The following NRXN3 variants were observed in gnomAD, a reference collection of about 807,000 sequenced individuals.
The protein encoded by NRXN3 is neurexin III.
A neutral mutation model predicts 137.6 loss-of-function variants in NRXN3; 32 were observed. The ratio of observed to expected loss-of-function variants is 0.23; its 90% CI spans 0.18 to 0.31. NRXN3 has a LOEUF of 0.31. Among genes scored for constraint, NRXN3 ranks in the 10% least tolerant of loss-of-function variants. The pLI, the probability that NRXN3 is intolerant of heterozygous loss-of-function variation, is 1.00. For missense variants in NRXN3, 1,574 were observed against 2,062.5 expected (o/e 0.76, Z 4.59); for synonymous variants, 798 against 784.5 (o/e 1.02, Z -0.29).
intron 15 of NRXN3, among the ~76,000 whole-genome samples, chr14:79,447,073 GA>G: frequency 6.6e-6 from 1 of 152,276 alleles, no homozygotes; most frequent in Non-Finnish European, 1.5e-5. Flanking sequence ...ACCATCTTGG[GA>G]TTAAGTTCCA....
At chr14:78,253,116 T>G (rs2068912506) in intron 2 of NRXN3, among the ~76,000 whole-genome samples, 1 of 152,166 alleles carries the variant, frequency 6.6e-6, no homozygotes, top group Admixed American at 6.5e-5. Flanking sequence ...CACAGTATGT[T>G]TGCTCTGTCT....
chr14:79,140,573 CTGTGTGTGTG>C (rs3035591), intron 15 of NRXN3, among the ~76,000 whole-genome samples: 16 of 143,830 alleles, frequency 1.1e-4, no homozygotes, highest in African/African-American at 2.1e-4. Flanking sequence ...CCCCACCTCA[CTGTGTGTGTG>C]TGTGTGTGTG....
intron 16 of NRXN3, among the ~76,000 whole-genome samples, chr14:79,583,294 C>T (rs2153813041): frequency 6.6e-6 from 1 of 152,276 alleles, no homozygotes; most frequent in East Asian, 1.9e-4. Context: ...TTGGGAGGAT[C>T]TAAGTAAAGC....
At chr14:79,603,406 T>C (rs1381676864) in intron 16 of NRXN3, among the ~76,000 whole-genome samples, 1 of 152,222 alleles carries the variant, frequency 6.6e-6, no homozygotes, top group Non-Finnish European at 1.5e-5. Flanking sequence ...TCTTCTGGCC[T>C]TATAGACCTC....
rs563419756 is a variant in NRXN3, at chr14:78,228,933, T to C, written c.-703-13458T>C. On this transcript the variant is annotated intron_variant, in intron 1 of 20. Coordinates refer to ENST00000335750, the MANE Select transcript of NRXN3 (RefSeq NM_001330195.2). ...TTCCCTCATGCTCAGATGTGTGAGG[T>C]TGGCAAAAGTTATAAGACTCAGTAA... Among the ~76,000 whole-genome samples, 305 of 152,230 alleles carry C rather than the reference T, an allele frequency of 2.0e-3. 2 individuals are homozygous for C. Among genetic ancestry groups the C allele is most frequent in the African/African-American group, 7.1e-3 (294 of 41,534 alleles).
At chr14:79,078,316 T>TA (rs1048624913) in intron 15 of NRXN3, among the ~76,000 whole-genome samples, 12 of 152,188 alleles carry the variant, frequency 7.9e-5, no homozygotes, top group African/African-American at 2.9e-4. Flanking sequence ...CATAGGAGGT[T>TA]AAACTTTTGA....
chr14:79,348,111 C>T lies in NRXN3; in HGVS notation c.3263-119110C>T, dbSNP rs144490460. 3.8e-3 allele frequency among the ~76,000 whole-genome samples: 581 copies of T among 152,170 alleles called. 6 individuals are homozygous for T. Among genetic ancestry groups the T allele is most frequent in the African/African-American group, 0.013 (519 of 41,508 alleles). ...AAGAGGGTATTTACCGCAGTATTTC[C>T]ATCATTGTTAACAGAGCCACAAGTT... On this transcript the variant is annotated intron_variant, in intron 15 of 20. Coordinates refer to ENST00000335750, the MANE Select transcript of NRXN3 (RefSeq NM_001330195.2).
chr14:79,737,730 CTT>C (rs559480106), intron 19 of NRXN3, among the ~76,000 whole-genome samples: 1 of 144,354 alleles, frequency 6.9e-6, no homozygotes. Context: ...TTCTTTCTTT[CTT>C]TTTTTTTTTT....
At chr14:78,795,767 A>C (rs2098819672) in intron 8 of NRXN3, among the ~76,000 whole-genome samples, 1 of 152,242 alleles carries the variant, frequency 6.6e-6, no homozygotes, top group Non-Finnish European at 1.5e-5. Context: ...ACAATCGTTT[A>C]GCTGGTGAAA....
intron 15 of NRXN3, among the ~76,000 whole-genome samples, chr14:79,265,809 G>T (rs538612920): frequency 6.6e-6 from 1 of 152,308 alleles, no homozygotes; most frequent in African/African-American, 2.4e-5. Context: ...ATTGGGCTAA[G>T]ATATATGCCT....
At chr14:78,226,296 T>C (rs11159342) in intron 1 of NRXN3, among the ~76,000 whole-genome samples, 63,410 of 151,930 alleles carry the variant, frequency 0.42, 13,498 homozygotes, top group African/African-American at 0.48. Context: ...AGCCACCGGG[T>C]CCGGCCCAAG....
At chr14:78,515,028 A>T (rs2096180430) in intron 4 of NRXN3, among the ~76,000 whole-genome samples, 1 of 152,196 alleles carries the variant, frequency 6.6e-6, no homozygotes, top group South Asian at 2.1e-4. Context: ...TGGCACATTA[A>T]GCCAGAATCT....
At chr14:78,226,055 A>G (rs2064615032) in intron 1 of NRXN3, among the ~76,000 whole-genome samples, 1 of 148,566 alleles carries the variant, frequency 6.7e-6, no homozygotes, top group Non-Finnish European at 1.5e-5. Context: ...CCAGGCTAGA[A>G]TGCAGTGGCC....
At chr14:78,453,474 G>A (rs2094600301) in intron 4 of NRXN3, among the ~76,000 whole-genome samples, 1 of 152,172 alleles carries the variant, frequency 6.6e-6, no homozygotes, top group Admixed American at 6.5e-5. Context: ...GTTCTGTTTG[G>A]AATTAAGTTA....
chr14:79,823,333 G>A (rs2099278486), intron 20 of NRXN3, among the ~76,000 whole-genome samples: 1 of 152,036 alleles, frequency 6.6e-6, no homozygotes. Flanking sequence ...CCTGAATCAG[G>A]TGTAAGAATT....
chr14:78,186,545 C>T (rs999354239), intron 1 of NRXN3, among the ~76,000 whole-genome samples: 3 of 152,208 alleles, frequency 2.0e-5, no homozygotes, highest in Admixed American at 6.5e-5. Context: ...TTTAGTGGGC[C>T]CTCACTGGGT....
intron 6 of NRXN3, 108 bp downstream of exon 6, chr14:78,651,434 A>G (rs989218747): frequency 2.8e-5 from 35 of 1,236,872 alleles, no homozygotes; most frequent in Non-Finnish European, 3.8e-5. Flanking sequence ...ATGAGATGAT[A>G]GATTGCAGCA....
intron 2 of NRXN3, chr14:78,250,028 T>G: frequency 2.0e-6 from 1 of 497,246 alleles, no homozygotes; most frequent in Non-Finnish European, 4.0e-6. Context: ...TTAGGTGCTT[T>G]TCATGCACTA....
At chr14:78,893,711 G>C (rs1454934974) in intron 10 of NRXN3, among the ~76,000 whole-genome samples, 1 of 151,554 alleles carries the variant, frequency 6.6e-6, no homozygotes, top group Non-Finnish European at 1.5e-5. Flanking sequence ...CTCAATTTTG[G>C]ATTTTTTGAG....
Sources: gnomAD v4.1 joint callset for allele counts (sites outside exome capture counted in the v4.1 genomes callset) on GRCh38, gnomAD v4.1.1 for gene constraint, MANE v1.5 for transcripts, NCBI Gene and HGNC (gene_info 2026-07-23, HGNC 2026-07-21) for gene names.